Variants in ARHGAP39 observed in about 807,000 individuals in gnomAD.
The protein encoded by ARHGAP39 is Rho GTPase activating protein 39, also known as rho GTPase-activating protein 39.
In ARHGAP39, 44 loss-of-function variants were observed where a neutral mutation model predicts 106.9. The ratio of observed to expected loss-of-function variants is 0.41; its 90% CI spans 0.32 to 0.53. The LOEUF (loss-of-function observed/expected upper bound fraction) is 0.53, where lower values mean the gene tolerates loss of function less well. Among genes scored for constraint, ARHGAP39 ranks in the 20% least tolerant of loss-of-function variants. ARHGAP39 has a pLI of 0.21. For synonymous variants in ARHGAP39, 768 were observed against 693.2 expected (o/e 1.11, Z -1.69); for missense variants, 1,496 against 1,577.3 (o/e 0.95, Z 0.87).
At chr8:144,676,677 A>T (rs1822250175) in intron 1 of ARHGAP39, among the ~76,000 whole-genome samples, 1 of 152,242 alleles carries the variant, frequency 6.6e-6, no homozygotes, top group South Asian at 2.1e-4. Context: ...GCACTCCGGC[A>T]GCCCAGAGGA....
At chr8:144,643,172 C>T (rs996721069) in intron 1 of ARHGAP39, among the ~76,000 whole-genome samples, 3 of 152,080 alleles carry the variant, frequency 2.0e-5, no homozygotes, top group Non-Finnish European at 4.4e-5. Flanking sequence ...TTATCTCCAC[C>T]GTATTAAGAG....
intron 2 of ARHGAP39, among the ~76,000 whole-genome samples, chr8:144,596,716 C>T (rs960288069): frequency 2.0e-5 from 3 of 152,182 alleles, no homozygotes; most frequent in African/African-American, 4.8e-5. Context: ...CCCCGGGTGG[C>T]GCGCACTGCC....
intron 6 of ARHGAP39, among the ~76,000 whole-genome samples, chr8:144,539,804 A>G (rs2130828204): frequency 6.6e-6 from 1 of 152,318 alleles, no homozygotes; most frequent in African/African-American, 2.4e-5. Context: ...TCGTTAGTCT[A>G]GCTTTATAAC....
intron 1 of ARHGAP39, among the ~76,000 whole-genome samples, chr8:144,632,477 A>G (rs537054865): frequency 5.8e-4 from 89 of 152,220 alleles, no homozygotes; most frequent in Non-Finnish European, 1.2e-3. Context: ...ACTGTGTGTC[A>G]ATGAGTGGTG....
intron 2 of ARHGAP39, among the ~76,000 whole-genome samples, chr8:144,602,704 GGAGT>G: frequency 7.2e-6 from 1 of 139,314 alleles, no homozygotes; most frequent in African/African-American, 2.8e-5. Flanking sequence ...GCATGTGCGT[GGAGT>G]TGTGTGCGCT....
At chr8:144,566,050 C>T (rs190225481) in intron 3 of ARHGAP39, among the ~76,000 whole-genome samples, 1 of 151,712 alleles carries the variant, frequency 6.6e-6, no homozygotes, top group Non-Finnish European at 1.5e-5. Flanking sequence ...TCTGTGATTG[C>T]GCCATTGCAC....
the ARHGAP39 span, among the ~76,000 whole-genome samples, chr8:144,697,612 C>T: frequency 3.3e-5 from 5 of 152,078 alleles, no homozygotes; most frequent in African/African-American, 4.8e-5. Flanking sequence ...CTCCACCTCC[C>T]GAGTTCAGGC....
At position 144,533,137 on chromosome 8, in the gene ARHGAP39, C is replaced by T. The variant is rs781090078; in HGVS notation, c.2877G>A (p.Glu959=). 8 of 1,602,496 alleles carry T rather than the reference C, an allele frequency of 5.0e-6. No individual in the cohort carries two copies. Among genetic ancestry groups the T allele is most frequent in the Non-Finnish European group, 6.8e-6 (8 of 1,175,690 alleles). ...EVLALNGDQT[E]GIFRVPGDID... ...GGTTGCCGTGGCACCTGAAGATGCC[C>T]TCTGTCTGGTCACCGTTGAGCGCCA... is the stretch of plus-strand genomic sequence containing the variant. Residue 959 remains glutamate (E), a synonymous_variant, in exon 9 of 12, where the codon GAG becomes GAA. Transcript: ENST00000377307.
Position 144,548,329 on chromosome 8 carries a change from T to G in ARHGAP39, c.757A>C (p.Ser253Arg). ...GCCTCCGGGGCGAAGGTCTGCAGGC[T>G]GGGTGAGTGCTGGCTGCCGGAGGGT... ...RRPSGSQHSP[S>R]LQTFAPEADG... Residue 253 changes from serine (S) to arginine (R), a missense_variant, in exon 5 of 12, where the codon AGC becomes CGC. Ser to Arg is a moderately radical substitution (Grantham distance 110). This residue lies in a region of ARHGAP39 where 905 missense variants were observed against 816.4 expected (regional missense o/e 1.11). Coordinates refer to ENST00000377307, the MANE Select transcript of ARHGAP39 (RefSeq NM_025251.3). This position sits in a 1 kb window ranked among gnomAD's most constrained non-coding sequence, Gnocchi z 7.4. The G allele has an allele frequency of 6.2e-7, 1 of 1,607,848 alleles. No homozygotes were observed. The highest frequency in any genetic ancestry group is 8.5e-7 in the Non-Finnish European group (1 of 1,176,530).
upstream of ARHGAP39, among the ~76,000 whole-genome samples, chr8:144,689,941 G>A (rs1049768704): frequency 1.3e-5 from 2 of 148,964 alleles, no homozygotes; most frequent in African/African-American, 5.0e-5. Context: ...GGGATGGCGT[G>A]TCACCACGTT....
intron 7 of ARHGAP39, among the ~76,000 whole-genome samples, chr8:144,536,437 T>C (rs566496697): frequency 1.0e-3 from 152 of 151,806 alleles, no homozygotes; most frequent in Middle Eastern, 6.8e-3. Flanking sequence ...CACAGGGGAG[T>C]CTGCTCCCTG....
chr8:144,693,741 T>C, the ARHGAP39 span, among the ~76,000 whole-genome samples: 75,912 of 152,114 alleles, frequency 0.5, 20,078 homozygotes, highest in Middle Eastern at 0.61. Context: ...GTGTTAGTTA[T>C]TAAACAAATA....
chr8:144,577,255 A>T (rs1818810609), intron 3 of ARHGAP39, among the ~76,000 whole-genome samples: 1 of 152,214 alleles, frequency 6.6e-6, no homozygotes, highest in Non-Finnish European at 1.5e-5. Flanking sequence ...TGCTGCTGTG[A>T]CAACCGGAAT....
rs182603192 is a variant in ARHGAP39 at position 144,541,496 on chromosome 8, T to C, written c.2522-3683A>G. On this transcript the variant is annotated intron_variant, in intron 6 of 11. Coordinates refer to ENST00000377307, the MANE Select transcript of ARHGAP39 (RefSeq NM_025251.3). ...ACCACTGGCCATCTCCAGAACTTTT[T>C]CATCTTTCCAAAGCAGACCTCACTC... Among the ~76,000 whole-genome samples, 31 of 152,336 alleles carry C rather than the reference T, an allele frequency of 2.0e-4. No homozygotes were observed. The East Asian group carries it at 5.4e-3, about 27-fold the overall frequency.
chr8:144,541,696 CCTTTTT>C (rs1373275286), intron 6 of ARHGAP39, among the ~76,000 whole-genome samples: 1 of 152,212 alleles, frequency 6.6e-6, no homozygotes, highest in Non-Finnish European at 1.5e-5. Context: ...ACATTTCCTT[CCTTTTT>C]AAGGCTGGAA....
In ARHGAP39 at chr8:144,679,151, G is replaced by A. The variant is rs1371824514; in HGVS notation, c.-82+6535C>T. ...TCAGGGGCTCTCGCGCATGGTGGCC[G>A]GCTCCAGCGTCCAGCATCTGCGGCT... On this transcript the variant is annotated intron_variant, in intron 1 of 11. Transcript: ENST00000377307. The surrounding 1 kb of genome is among the most constrained non-coding windows in gnomAD (Gnocchi z 4.7). Among the ~76,000 whole-genome samples the A allele has an allele frequency of 1.3e-5, 2 of 152,228 alleles. No individual in the cohort carries two copies. The highest frequency in any genetic ancestry group is 1.9e-4 in the East Asian group (1 of 5,182).
chr8:144,689,923 T>C (rs1039379233), upstream of ARHGAP39, among the ~76,000 whole-genome samples: 6 of 150,958 alleles, frequency 4.0e-5, no homozygotes, highest in East Asian at 1.2e-3. Flanking sequence ...TTTTTTGTAT[T>C]TTTAGTAGGG....
intron 1 of ARHGAP39, among the ~76,000 whole-genome samples, chr8:144,658,863 T>C (rs1821758913): frequency 6.6e-6 from 1 of 152,166 alleles, no homozygotes; most frequent in African/African-American, 2.4e-5. Flanking sequence ...TAAATATTAA[T>C]GTTTAATATT....
At chr8:144,655,801 C>A (rs1821678937) in intron 1 of ARHGAP39, among the ~76,000 whole-genome samples, 1 of 152,108 alleles carries the variant, frequency 6.6e-6, no homozygotes, top group South Asian at 2.1e-4. Flanking sequence ...AGAAGCGACA[C>A]CCCAAAGACC....
Sources: allele counts gnomAD v4.1 joint callset (sites outside exome capture counted in the v4.1 genomes callset), GRCh38; gene constraint gnomAD v4.1.1; regional missense constraint gnomAD v4.1.1; non-coding constraint Gnocchi (gnomAD v3.1); transcripts MANE v1.5; gene names NCBI Gene and HGNC (gene_info 2026-07-23, HGNC 2026-07-21).